Variants in TRIM23 observed in about 807,000 individuals in gnomAD.
The protein encoded by TRIM23 is E3 ubiquitin-protein ligase TRIM23.
In TRIM23, 27 loss-of-function variants were observed where a neutral mutation model predicts 71.0. The observed-to-expected ratio is 0.38, with a 90% CI of 0.28 to 0.52. TRIM23 has a LOEUF of 0.52. TRIM23 is among the 20% of genes least tolerant of loss of function. The pLI is 0.84. For synonymous variants in TRIM23, 234 were observed against 238.0 expected (o/e 0.98, Z 0.16); for missense variants, 482 against 692.3 (o/e 0.70, Z 3.41).
rs569453455 is a variant in TRIM23, at chr5:65,602,086, C to T, written c.1179+2825G>A. ...TTGCTACTTATGCAAATTTCTGCAG[C>T]CAGCTTGAATTTTTCCCCAGAAGAT... is the stretch of plus-strand genomic sequence containing the variant. On this transcript the variant is annotated intron_variant, in intron 7 of 10. Coordinates refer to ENST00000231524, the MANE Select transcript of TRIM23 (RefSeq NM_001656.4). 1.2e-4 allele frequency among the ~76,000 whole-genome samples: 19 copies of T among 152,316 alleles called. 1 individual carries two copies. In the South Asian group the frequency reaches 3.9e-3, roughly 32 times the overall value.
intron 7 of TRIM23, among the ~76,000 whole-genome samples, chr5:65,598,210 T>C (rs1044572070): frequency 4.6e-5 from 7 of 152,128 alleles, no homozygotes; most frequent in African/African-American, 1.2e-4. Flanking sequence ...AAATCTATAC[T>C]TAAGTCCAGT....
In TRIM23 at chr5:65,590,387, T is replaced by C. The variant is rs75632524; in HGVS notation, c.*1382A>G. On this transcript the variant is annotated 3_prime_UTR_variant, in exon 11 of 11. Coordinates refer to ENST00000231524, the MANE Select transcript of TRIM23 (RefSeq NM_001656.4). ...TAGGCTTTTTTTTTAATGCTTTGTT[T>C]TCTAAAACTTGTATTGTTTTTAAAC... 5.9e-3 allele frequency: 8,487 copies of C among 1,447,784 alleles called. 39 individuals are homozygous for C. The highest frequency in any genetic ancestry group is 6.9e-3 in the Non-Finnish European group (7,504 of 1,095,434). The allele number at this position is 1,447,784 out of a possible 1,614,324, so 89.7% of individuals were successfully genotyped here. A position where few individuals can be genotyped will look rare whatever the true frequency, so the allele number is the denominator to read the frequency against.
chr5:65,592,409 T>C (rs1754065466), intron 10 of TRIM23, among the ~76,000 whole-genome samples: 1 of 152,076 alleles, frequency 6.6e-6, no homozygotes, highest in South Asian at 2.1e-4. Context: ...GTATTTTTAG[T>C]AGAGATGAGG....
At chr5:65,611,305 T>G (rs1290652610) in intron 4 of TRIM23, among the ~76,000 whole-genome samples, 1 of 152,128 alleles carries the variant, frequency 6.6e-6, no homozygotes, top group East Asian at 1.9e-4. Context: ...CTAACAGACA[T>G]AAATATTGTC....
chr5:65,591,713 A>G lies in TRIM23; in HGVS notation c.*56T>C. On this transcript the variant is annotated 3_prime_UTR_variant, in exon 11 of 11. Coordinates refer to ENST00000231524, the MANE Select transcript of TRIM23 (RefSeq NM_001656.4). ...TGAGATGTATAATTTCTTAAAACAT[A>G]CTATGTGCAAAGTTACTTTTAACCA... 3.9e-6 allele frequency: 6 copies of G among 1,530,226 alleles called. No individual in the cohort carries two copies. The highest frequency in any genetic ancestry group is 1.4e-5 in the South Asian group (1 of 73,970). 94.8% of individuals were successfully genotyped at this position (1,530,226 alleles called of 1,614,324 possible).
chr5:65,614,238 C>T lies in TRIM23; in HGVS notation c.245-19G>A, dbSNP rs1433033860. 3.7e-6 allele frequency: 6 copies of T among 1,606,610 alleles called. No homozygotes were observed. In the South Asian group the frequency reaches 6.6e-5, roughly 18 times the overall value. On this transcript the variant is annotated intron_variant, in intron 2 of 10. Transcript: ENST00000231524. ...GAATCACCTAGAATAAATATAAAAA[C>T]AAAAACTAAATCTAACAAAATGGAC... is the stretch of plus-strand genomic sequence containing the variant.
In TRIM23 at chr5:65,605,056, C is replaced by A. The variant is rs377656828; in HGVS notation, c.1045-11G>T. ...AACTCTACAATCATCCTATAAGAGG[C>A]AAAACAATATTTCTTATAAACTTTT... On this transcript the variant is annotated splice_polypyrimidine_tract_variant and intron_variant, in intron 6 of 10. Coordinates refer to ENST00000231524, the MANE Select transcript of TRIM23 (RefSeq NM_001656.4). 1.6e-5 allele frequency: 25 copies of A among 1,583,274 alleles called. No homozygotes were observed. In the African/African-American group the frequency reaches 3.4e-4, roughly 21 times the overall value.
intron 2 of TRIM23, among the ~76,000 whole-genome samples, chr5:65,617,455 G>C (rs1561751841): frequency 6.6e-6 from 1 of 152,126 alleles, no homozygotes; most frequent in Non-Finnish European, 1.5e-5. Context: ...TTATCAAAAA[G>C]AGTAAACTTA....
intron 1 of TRIM23, among the ~76,000 whole-genome samples, chr5:65,623,033 T>C (rs993834406): frequency 5.9e-5 from 9 of 152,220 alleles, no homozygotes; most frequent in African/African-American, 9.6e-5. Flanking sequence ...ATATCAGATA[T>C]GCCGTGTACC....
intron 2 of TRIM23, among the ~76,000 whole-genome samples, chr5:65,616,783 G>A (rs1235523423): frequency 2.0e-5 from 3 of 151,818 alleles, no homozygotes; most frequent in South Asian, 2.1e-4. Flanking sequence ...GGGCAATGGC[G>A]TGATCTAGGC....
rs1177175037 is a variant in TRIM23, at chr5:65,610,861, A to G, written c.828T>C (p.His276=). Residue 276 remains histidine (H), a splice_region_variant and synonymous_variant, in exon 5 of 11, where the codon CAT becomes CAC. Coordinates refer to ENST00000231524, the MANE Select transcript of TRIM23 (RefSeq NM_001656.4). ...AGTGAAGAAGAAAAAAAATCCATAC[A>G]TGTTCTGTGTGAGCCATTCCAATTC... The part of the protein sequence containing the change: ...EDGIGMAHTE[H]VPGTAENARS... 2 of 1,584,924 alleles carry G rather than the reference A, an allele frequency of 1.3e-6. No individual in the cohort carries two copies. The highest frequency in any genetic ancestry group is 1.7e-6 in the Non-Finnish European group (2 of 1,169,720).
chr5:65,595,827 A>G (rs1754186008), intron 9 of TRIM23, among the ~76,000 whole-genome samples: 1 of 152,248 alleles, frequency 6.6e-6, no homozygotes, highest in African/African-American at 2.4e-5. Flanking sequence ...GGAAAGCAGA[A>G]TAACATACAG....
chr5:65,598,054 A>T (rs1754255550), intron 7 of TRIM23, among the ~76,000 whole-genome samples: 1 of 152,078 alleles, frequency 6.6e-6, no homozygotes, highest in Admixed American at 6.6e-5. Flanking sequence ...GTTTGGTTTT[A>T]TCCCATTTTT....
At chr5:65,600,437 A>G (rs1291872414) in intron 7 of TRIM23, among the ~76,000 whole-genome samples, 1 of 152,120 alleles carries the variant, frequency 6.6e-6, no homozygotes, top group Non-Finnish European at 1.5e-5. Context: ...TCAATAAATG[A>G]TGCTGGGGAA....
intron 1 of TRIM23, among the ~76,000 whole-genome samples, chr5:65,621,576 T>A (rs1222353045): frequency 2.6e-5 from 4 of 152,138 alleles, no homozygotes; most frequent in Non-Finnish European, 5.9e-5. Context: ...TAAAATTCCA[T>A]TGATTAGCAA....
At chr5:65,595,935 T>C (rs541084308) in intron 9 of TRIM23, among the ~76,000 whole-genome samples, 1 of 152,228 alleles carries the variant, frequency 6.6e-6, no homozygotes, top group Admixed American at 6.5e-5. Context: ...AGTATAGATA[T>C]GATATAATAC....
chr5:65,596,814 G>A (rs1286694284), intron 8 of TRIM23, among the ~76,000 whole-genome samples: 1 of 151,928 alleles, frequency 6.6e-6, no homozygotes, highest in African/African-American at 2.4e-5. Context: ...CCTCAGCCAG[G>A]ATCACCAATC....
At chr5:65,619,957 G>A (rs113585272) in intron 1 of TRIM23, among the ~76,000 whole-genome samples, 2,833 of 152,114 alleles carry the variant, frequency 0.019, 83 homozygotes, top group African/African-American at 0.065. Context: ...AGTGGTGGGC[G>A]CCTGTAAGCC....
In TRIM23 at chr5:65,613,482, G is replaced by A. The variant is rs190802052; in HGVS notation, c.366+616C>T. Among the ~76,000 whole-genome samples, 27 of 152,222 alleles carry A rather than the reference G, an allele frequency of 1.8e-4. 1 individual carries two copies. The East Asian group carries it at 4.0e-3, about 23-fold the overall frequency. On this transcript the variant is annotated intron_variant, in intron 3 of 10. Coordinates refer to ENST00000231524, the MANE Select transcript of TRIM23 (RefSeq NM_001656.4). ...TATATTTTTACCCATAACAGCCTAC[G>A]AAAGCCATGTCCTATAGTACATATG... is the stretch of plus-strand genomic sequence containing the variant.
Sources: gnomAD v4.1 joint callset for allele counts (sites outside exome capture counted in the v4.1 genomes callset) on GRCh38, gnomAD v4.1.1 for gene constraint, MANE v1.5 for transcripts, NCBI Gene and HGNC (gene_info 2026-07-23, HGNC 2026-07-21) for gene names.